TAFA5: variants seen among roughly 807,000 people sequenced by gnomAD.
TAFA5 encodes chemokine-like protein TAFA-5.
In TAFA5, 6 loss-of-function variants were observed where a neutral mutation model predicts 15.3. The observed-to-expected ratio is 0.39, with a 90% CI of 0.21 to 0.77. The LOEUF (loss-of-function observed/expected upper bound fraction) is 0.77, where lower values mean the gene tolerates loss of function less well. TAFA5 is among the 30% of genes least tolerant of loss of function. The probability of loss-of-function intolerance (pLI) is 0.41; values close to 1 mark genes in which losing one functional copy is unlikely to be tolerated. For synonymous variants in TAFA5, 103 were observed against 80.7 expected (o/e 1.28, Z -1.48); for missense variants, 161 against 193.1 (o/e 0.83, Z 0.98).
chr22:48,572,025 G>T (rs1923610209), intron 1 of TAFA5, among the ~76,000 whole-genome samples: 2 of 151,926 alleles, frequency 1.3e-5, no homozygotes, highest in Non-Finnish European at 2.9e-5. Flanking sequence ...TGGGAGCCTG[G>T]TTTTCTCTTA....
chr22:48,715,137 G>A (rs1242553700), intron 3 of TAFA5, among the ~76,000 whole-genome samples: 3 of 152,166 alleles, frequency 2.0e-5, no homozygotes, highest in Admixed American at 6.5e-5. Flanking sequence ...AACTTTGGGG[G>A]CCCCCCATTC....
At chr22:48,747,071 G>A (rs1406396403) in intron 3 of TAFA5, among the ~76,000 whole-genome samples, 1 of 152,182 alleles carries the variant, frequency 6.6e-6, no homozygotes, top group Non-Finnish European at 1.5e-5. Flanking sequence ...TGGACACCAT[G>A]AGCCAACAGG....
chr22:48,637,034 G>T (rs146429389), intron 1 of TAFA5, among the ~76,000 whole-genome samples: 13 of 152,178 alleles, frequency 8.5e-5, no homozygotes, highest in Non-Finnish European at 1.3e-4. Flanking sequence ...CTGGCCAGCT[G>T]CAGGGGCCCT....
chr22:48,614,143 C>T (rs1925513595), intron 1 of TAFA5, among the ~76,000 whole-genome samples: 1 of 152,200 alleles, frequency 6.6e-6, no homozygotes, highest in South Asian at 2.1e-4. Context: ...TGCTGGTGGG[C>T]CCCTGTCTGG....
chr22:48,624,201 G>T (rs535578896), intron 1 of TAFA5, among the ~76,000 whole-genome samples: 3 of 152,144 alleles, frequency 2.0e-5, no homozygotes, highest in Non-Finnish European at 4.4e-5. Context: ...GATTAGAATC[G>T]GGCTGTGGGT....
rs1027126067 is a variant in TAFA5 at position 48,552,013 on chromosome 22, C to A, written c.112+62309C>A. ...AAGGCAGTGCTGGCCCCACGCCCTG[C>A]GATGGCCGTTCAGCTCTGACTGTCC... On this transcript the variant is annotated intron_variant, in intron 1 of 3. Coordinates refer to ENST00000402357, the MANE Select transcript of TAFA5 (RefSeq NM_001082967.3). The surrounding 1 kb of genome is among the most constrained non-coding windows in gnomAD (Gnocchi z 4.1). Among the ~76,000 whole-genome samples, 11 of 152,212 alleles carry A rather than the reference C, an allele frequency of 7.2e-5. No homozygotes were observed. The highest frequency in any genetic ancestry group is 1.5e-5 in the Non-Finnish European group (1 of 68,040).
At chr22:48,650,124 C>G (rs1182272062) in intron 2 of TAFA5, among the ~76,000 whole-genome samples, 4 of 152,168 alleles carry the variant, frequency 2.6e-5, no homozygotes. Flanking sequence ...TAAGTTTCCT[C>G]GCATGTGAAT....
Position 48,707,767 on chromosome 22 carries a change from G to A in TAFA5, c.313G>A (p.Gly105Arg). The change falls in exon 3 of 4, where the codon GGG becomes AGG. Residue 105 changes from glycine (G) to arginine (R), a missense_variant. Physicochemically the swap from Gly to Arg is moderately radical, Grantham distance 125. Coordinates refer to ENST00000402357, the MANE Select transcript of TAFA5 (RefSeq NM_001082967.3). ...QWCDMLPCLE[G>R]EGCDLLINRS... ...GTGTGACATGCTTCCGTGTCTGGAGGGGGAAGGCTGCGACTTGTTAATCAA... is the reference window on the plus strand; with the variant it reads ...GTGTGACATGCTTCCGTGTCTGGAGAGGGAAGGCTGCGACTTGTTAATCAA... 3 of 1,613,952 alleles carry A rather than the reference G, an allele frequency of 1.9e-6. No individual in the cohort carries two copies. Among genetic ancestry groups the A allele is most frequent in the Non-Finnish European group, 2.5e-6 (3 of 1,179,874 alleles).
At chr22:48,609,873 C>T (rs1260636125) in intron 1 of TAFA5, among the ~76,000 whole-genome samples, 1 of 152,220 alleles carries the variant, frequency 6.6e-6, no homozygotes, top group East Asian at 1.9e-4. Context: ...CCAGCCTCTG[C>T]CTCCACCACA....
At chr22:48,578,059 G>A (rs1923883088) in intron 1 of TAFA5, among the ~76,000 whole-genome samples, 1 of 152,232 alleles carries the variant, frequency 6.6e-6, no homozygotes, top group Non-Finnish European at 1.5e-5. Flanking sequence ...CCAGGTACCT[G>A]GCAAAGGGGT....
chr22:48,639,208 C>T (rs1046848323), intron 1 of TAFA5, among the ~76,000 whole-genome samples: 1 of 151,018 alleles, frequency 6.6e-6, no homozygotes, highest in African/African-American at 2.4e-5. Context: ...CTCCTTTTCT[C>T]CCCGTTGGGG....
chr22:48,739,115 G>T (rs542709885), intron 3 of TAFA5, among the ~76,000 whole-genome samples: 197 of 152,256 alleles, frequency 1.3e-3, no homozygotes, highest in African/African-American at 4.4e-3. Flanking sequence ...CACTACCCCA[G>T]CACTGCTGAG....
chr22:48,705,595 T>A (rs1333758534), intron 2 of TAFA5, among the ~76,000 whole-genome samples: 1 of 152,250 alleles, frequency 6.6e-6, no homozygotes, highest in African/African-American at 2.4e-5. Context: ...TCCAGCGGCA[T>A]GATTGGCTGA....
At chr22:48,702,387 A>T (rs1928937568) in intron 2 of TAFA5, among the ~76,000 whole-genome samples, 1 of 151,806 alleles carries the variant, frequency 6.6e-6, no homozygotes, top group Admixed American at 6.6e-5. Context: ...GAGACTCTAG[A>T]TCCAGTCTGG....
At chr22:48,509,414 T>C (rs933223949) in intron 1 of TAFA5, among the ~76,000 whole-genome samples, 5 of 152,228 alleles carry the variant, frequency 3.3e-5, no homozygotes, top group African/African-American at 1.2e-4. Flanking sequence ...CTGTACTGAT[T>C]TACATTCCCA....
At chr22:48,606,938 T>TGCCCAGG (rs1472478760) in intron 1 of TAFA5, among the ~76,000 whole-genome samples, 3 of 144,106 alleles carry the variant, frequency 2.1e-5, no homozygotes, top group African/African-American at 8.9e-5. Context: ...CAGGTTTCGC[T>TGCCCAGG]TCCACTCTGT....
chr22:48,668,722 G>A (rs1405773290), intron 2 of TAFA5, among the ~76,000 whole-genome samples: 1 of 125,132 alleles, frequency 8.0e-6, no homozygotes, highest in South Asian at 2.7e-4. Flanking sequence ...GGAAACTGTA[G>A]TCCCCCAGCA....
At chr22:48,571,831 A>C (rs967067007) in intron 1 of TAFA5, among the ~76,000 whole-genome samples, 1 of 151,898 alleles carries the variant, frequency 6.6e-6, no homozygotes, top group Non-Finnish European at 1.5e-5. Flanking sequence ...CAAATTTTCC[A>C]TACTTTTTCA....
At chr22:48,513,195 C>T (rs1457898041) in intron 1 of TAFA5, among the ~76,000 whole-genome samples, 1 of 152,178 alleles carries the variant, frequency 6.6e-6, no homozygotes, top group Admixed American at 6.5e-5. Flanking sequence ...ACACCGTCTA[C>T]AGGAAGTCCT....
Sources: gnomAD v4.1 joint callset for allele counts (sites outside exome capture counted in the v4.1 genomes callset) on GRCh38, gnomAD v4.1.1 for gene constraint, Gnocchi (gnomAD v3.1) non-coding constraint, MANE v1.5 for transcripts, NCBI Gene and HGNC (gene_info 2026-07-23, HGNC 2026-07-21) for gene names.